Variants in ZNF652 observed in about 807,000 individuals in gnomAD.
ZNF652 encodes the protein zinc finger protein 652.
ZNF652 carries 16 observed loss-of-function variants against 45.2 expected under a neutral mutation model. The observed-to-expected ratio is 0.35, with a 90% confidence interval of 0.24 to 0.54. The LOEUF (loss-of-function observed/expected upper bound fraction) is 0.54. Among genes scored for constraint, ZNF652 ranks in the 20% least tolerant of loss-of-function variants. The pLI, the probability that ZNF652 is intolerant of heterozygous loss-of-function variation, is 0.91. For missense variants in ZNF652, 614 were observed against 765.6 expected, an observed-to-expected ratio of 0.80 and a Z score of 2.34; for synonymous variants, 250 against 260.6, an observed-to-expected ratio of 0.96 and a Z score of 0.39.
At chr17:49,344,199 TC>T (rs1206354669) in intron 1 of ZNF652, among the ~76,000 whole-genome samples, 42 of 117,780 alleles carry the variant, frequency 3.6e-4, no homozygotes, top group African/African-American at 1.1e-3. Flanking sequence ...AGACTCCGTT[TC>T]AAAAAAAAAA....
At chr17:49,351,761 T>C (rs182484767) in intron 1 of ZNF652, among the ~76,000 whole-genome samples, 20 of 152,234 alleles carry the variant, frequency 1.3e-4, no homozygotes, top group South Asian at 6.2e-4. Context: ...GATGGGAGGA[T>C]TGCTTGAGCT....
intron 5 of ZNF652, among the ~76,000 whole-genome samples, chr17:49,304,491 G>C (rs1332079260): frequency 2.6e-5 from 4 of 152,040 alleles, no homozygotes. Context: ...ATTACAATGA[G>C]GGTGAAACAA....
chr17:49,300,163 T>G (rs2069532678), intron 5 of ZNF652, among the ~76,000 whole-genome samples: 3 of 152,212 alleles, frequency 2.0e-5, no homozygotes, highest in Admixed American at 2.0e-4. Context: ...CACCACAGTG[T>G]TTCTCAATGA....
chr17:49,329,734 A>C (rs763604662), intron 1 of ZNF652, among the ~76,000 whole-genome samples: 2 of 152,278 alleles, frequency 1.3e-5, no homozygotes, highest in African/African-American at 2.4e-5. Context: ...ACACGCATTT[A>C]AATGAGACTG....
intron 1 of ZNF652, among the ~76,000 whole-genome samples, chr17:49,347,735 G>GTTTTT (rs1567698709): frequency 1.6e-5 from 2 of 124,410 alleles, no homozygotes; most frequent in Non-Finnish European, 1.6e-5. Context: ...TTGAACCTTG[G>GTTTTT]TTTTGTTTTT....
chr17:49,353,694 T>A lies in ZNF652; in HGVS notation c.-259+8215A>T, dbSNP rs150227190. Among the ~76,000 whole-genome samples, 1,283 of 152,332 alleles carry A rather than the reference T, an allele frequency of 8.4e-3. 11 individuals are homozygous for A. Among genetic ancestry groups the A allele is most frequent in the South Asian group, 0.027 (131 of 4,830 alleles). On this transcript the variant is annotated intron_variant, in intron 1 of 5. Coordinates refer to ENST00000430262, the MANE Select transcript of ZNF652 (RefSeq NM_001145365.3). ...CAGATTGCCTCACAGTAAGATTAAG[T>A]ACTGTCTCAAAGTTTTTGTTTCAGT...
chr17:49,335,013 G>A (rs1018364009), intron 1 of ZNF652, among the ~76,000 whole-genome samples: 1 of 151,968 alleles, frequency 6.6e-6, no homozygotes, highest in South Asian at 2.1e-4. Context: ...TTTCTTTTGG[G>A]GGCAATGAAA....
In ZNF652 at chr17:49,289,371, C is replaced by T. The variant is rs2069374707; in HGVS notation, c.*9042G>A. Reference sequence around the variant, plus strand: ...GCTACATTGAGTGGTTAAAAATACACAAAAAAGTAGTTTTAACAATCTATA... The same window carrying T: ...GCTACATTGAGTGGTTAAAAATACATAAAAAAGTAGTTTTAACAATCTATA... On this transcript the variant is annotated 3_prime_UTR_variant, in exon 6 of 6. Transcript: ENST00000430262. 6.6e-6 allele frequency: 1 copy of T among 151,696 alleles called. No homozygotes were observed. Among genetic ancestry groups the T allele is most frequent in the African/African-American group, 2.4e-5 (1 of 41,310 alleles). The allele number at this position is 151,696 out of a possible 1,614,324, so 9.4% of individuals were successfully genotyped here. A position where few individuals can be genotyped will look rare whatever the true frequency, so the allele number is the denominator to read the frequency against.
At chr17:49,340,822 T>C (rs1411669571) in intron 1 of ZNF652, among the ~76,000 whole-genome samples, 2 of 152,082 alleles carry the variant, frequency 1.3e-5, no homozygotes, top group Non-Finnish European at 2.9e-5. Context: ...GGCAGGAGGA[T>C]AGCTTGAGCC....
chr17:49,298,486 T>G lies in ZNF652; in HGVS notation c.1748A>C (p.Asn583Thr). 1 of 1,613,098 alleles carries G rather than the reference T, an allele frequency of 6.2e-7. No individual in the cohort carries two copies. The highest frequency in any genetic ancestry group is 2.2e-5 in the East Asian group (1 of 44,860). Residue 583 changes from asparagine to threonine, a missense_variant, in exon 6 of 6, where the codon AAT (asparagine) becomes ACT (threonine). Around this residue, in one of 5 missense-constraint regions of ZNF652, gnomAD observed 132 missense variants for 137.2 expected, o/e 0.96. Coordinates refer to ENST00000430262, the MANE Select transcript of ZNF652 (RefSeq NM_001145365.3). ...PPALFKSEPL[N>T]HRGQSEDNFL... The stretch of plus-strand genomic sequence containing the variant: ...GTTGTCCTCACTCTGGCCTCTATGA[T>G]TTAAAGGCTCACTCTTAAAGAGAGC...
chr17:49,359,115 C>A (rs1447647427), intron 1 of ZNF652, among the ~76,000 whole-genome samples: 1 of 152,110 alleles, frequency 6.6e-6, no homozygotes, highest in Non-Finnish European at 1.5e-5. Flanking sequence ...AGCACACTGT[C>A]CTCTGAGATT....
chr17:49,362,216 T>C lies in ZNF652; in HGVS notation c.-566A>G, dbSNP rs988548353. On this transcript the variant is annotated 5_prime_UTR_variant, in exon 1 of 6. Transcript: ENST00000430262. ...AGGGGAGGGGGTGTGCGTGTGTGGA[T>C]GTGTGTGCCGGAGGGGGCAGGGAGG... 1.3e-5 allele frequency: 2 copies of C among 150,392 alleles called. No individual in the cohort carries two copies. The highest frequency in any genetic ancestry group is 3.0e-5 in the Non-Finnish European group (2 of 67,126). The allele number at this position is 150,392 out of a possible 1,614,324, so 9.3% of individuals were successfully genotyped here. A position where few individuals can be genotyped will look rare whatever the true frequency, so the allele number is the denominator to read the frequency against.
chr17:49,358,326 T>C (rs969604159), intron 1 of ZNF652, among the ~76,000 whole-genome samples: 2 of 152,326 alleles, frequency 1.3e-5, no homozygotes, highest in South Asian at 4.1e-4. Context: ...CAAGTGCTGA[T>C]TGTCAGAAAT....
At chr17:49,338,590 C>T (rs2070110216) in intron 1 of ZNF652, among the ~76,000 whole-genome samples, 1 of 152,194 alleles carries the variant, frequency 6.6e-6, no homozygotes, top group Non-Finnish European at 1.5e-5. Context: ...TTGAAGTCTA[C>T]AGCATCCTAA....
intron 1 of ZNF652, among the ~76,000 whole-genome samples, chr17:49,319,257 C>T (rs530128349): frequency 6.6e-6 from 1 of 152,012 alleles, no homozygotes; most frequent in South Asian, 2.1e-4. Context: ...CTGCTATGGA[C>T]ATAGGCACTA....
intron 1 of ZNF652, among the ~76,000 whole-genome samples, chr17:49,355,676 G>A (rs1180121247): frequency 6.6e-6 from 1 of 152,144 alleles, no homozygotes; most frequent in African/African-American, 2.4e-5. Context: ...GAGGCGGGCA[G>A]ATCACGAGGT....
chr17:49,308,899 C>T (rs1044852096), intron 5 of ZNF652, among the ~76,000 whole-genome samples: 1 of 151,134 alleles, frequency 6.6e-6, no homozygotes, highest in African/African-American at 2.4e-5. Context: ...TGGTCAAAGA[C>T]GAATACTCAA....
At chr17:49,320,499 G>T (rs906884709) in intron 1 of ZNF652, among the ~76,000 whole-genome samples, 1 of 152,178 alleles carries the variant, frequency 6.6e-6, no homozygotes, top group Non-Finnish European at 1.5e-5. Context: ...AAAGCTCATT[G>T]TCTATTTCTA....
At chr17:49,357,784 A>G (rs2070352897) in intron 1 of ZNF652, among the ~76,000 whole-genome samples, 1 of 152,186 alleles carries the variant, frequency 6.6e-6, no homozygotes, top group Non-Finnish European at 1.5e-5. Context: ...AAACAAGCAC[A>G]GCCTATGGGT....
Sources: allele counts gnomAD v4.1 joint callset (sites outside exome capture counted in the v4.1 genomes callset), GRCh38; gene constraint gnomAD v4.1.1; regional missense constraint gnomAD v4.1.1; transcripts MANE v1.5; gene names NCBI Gene and HGNC (gene_info 2026-07-23, HGNC 2026-07-21).